Variants in NAA35 observed in about 807,000 individuals in gnomAD.
The protein encoded by NAA35 is N-alpha-acetyltransferase 35, NatC auxiliary subunit, also known as MAK10 homolog, amino-acid N-acetyltransferase subunit.
A neutral mutation model predicts 101.7 loss-of-function variants in NAA35; 18 were observed. That is an observed-to-expected ratio of 0.18 (90% CI 0.12 to 0.26). The LOEUF (loss-of-function observed/expected upper bound fraction) is 0.26. Ranked by LOEUF, NAA35 falls within the 10% of genes least tolerant of loss-of-function variation. The pLI is 1.00. For synonymous variants in NAA35, 267 were observed against 273.1 expected (o/e 0.98, Z 0.22); for missense variants, 601 against 886.8 (o/e 0.68, Z 4.09).
At chr9:85,999,004 T>G (rs1235234045) in intron 12 of NAA35, among the ~76,000 whole-genome samples, 2 of 152,248 alleles carry the variant, frequency 1.3e-5, no homozygotes, top group African/African-American at 4.8e-5. Flanking sequence ...ATGTTCTTTA[T>G]TTTTCCTTCT....
At chr9:86,017,467 T>G in intron 18 of NAA35, 31 bp from the exon 19 acceptor site, 1 of 1,604,064 alleles carries the variant, frequency 6.2e-7, no homozygotes, top group Non-Finnish European at 8.5e-7. Context: ...GAAAAGATTA[T>G]GGAAGATTAC....
chr9:86,013,684 A>G, intron 16 of NAA35, 35 bp from the exon 17 acceptor site: 2 of 1,565,034 alleles, frequency 1.3e-6, no homozygotes, highest in African/African-American at 1.4e-5. Context: ...TAAGAAAACA[A>G]AACGAACACA....
At chr9:85,984,010 T>C (rs1714780033) in intron 11 of NAA35, among the ~76,000 whole-genome samples, 1 of 135,514 alleles carries the variant, frequency 7.4e-6, no homozygotes, top group South Asian at 2.3e-4. Context: ...GAAGTATAGA[T>C]CAGAAAATAG....
At chr9:85,950,244 T>A (rs73491318) in intron 2 of NAA35, among the ~76,000 whole-genome samples, 13,995 of 152,222 alleles carry the variant, frequency 0.092, 2,078 homozygotes, top group African/African-American at 0.31. Context: ...AGATATGATT[T>A]CTGAAGTTCT....
chr9:85,978,153 CA>C (rs974788041), intron 10 of NAA35, 113 bp from the exon 11 acceptor site: 2 of 679,018 alleles, frequency 2.9e-6, no homozygotes, highest in African/African-American at 3.6e-5. Flanking sequence ...TTATGAAAAC[CA>C]ATGTCATTAC....
intron 2 of NAA35, among the ~76,000 whole-genome samples, chr9:85,954,040 C>G (rs577341189): frequency 2.0e-5 from 3 of 152,218 alleles, no homozygotes; most frequent in Admixed American, 6.5e-5. Flanking sequence ...GGTATATGCT[C>G]AGAATTTGAA....
intron 11 of NAA35, among the ~76,000 whole-genome samples, chr9:85,979,840 A>T (rs184755050): frequency 0.011 from 1,699 of 152,252 alleles, 22 homozygotes; most frequent in Non-Finnish European, 0.016. Flanking sequence ...CCATTGAAGG[A>T]GTGTTTGTGG....
rs112348918 is a variant in NAA35, at chr9:85,959,143, G to A, written c.273+557G>A. Reference sequence around the variant, plus strand: ...TGTAATCCCAGCACTTTGGGAGGCCGAGGTGGGTGGATCACGAGGTCAGGA... The same window carrying A: ...TGTAATCCCAGCACTTTGGGAGGCCAAGGTGGGTGGATCACGAGGTCAGGA... On this transcript the variant is annotated intron_variant, in intron 4 of 22. Coordinates refer to ENST00000361671, the MANE Select transcript of NAA35 (RefSeq NM_024635.4). Among the ~76,000 whole-genome samples the A allele has an allele frequency of 5.2e-3, 784 of 152,124 alleles. 5 individuals are homozygous for A. Among genetic ancestry groups the A allele is most frequent in the African/African-American group, 0.018 (753 of 41,512 alleles).
chr9:86,002,007 CT>C (rs948944530), intron 12 of NAA35, among the ~76,000 whole-genome samples: 1 of 152,064 alleles, frequency 6.6e-6, no homozygotes, highest in African/African-American at 2.4e-5. Flanking sequence ...TGGTAGTAGT[CT>C]TTCCTTTCTA....
rs527968784 is a variant in NAA35, at chr9:85,996,490, A to G, written c.969A>G (p.Glu323=). 6.2e-5 allele frequency: 100 copies of G among 1,608,032 alleles called. No homozygotes were observed. The South Asian group carries it at 1.1e-3, about 17-fold the overall frequency. Residue 323 remains glutamate (E), a synonymous_variant, in exon 12 of 23, where the codon GAA becomes GAG. Transcript: ENST00000361671. ...GATATGCAAAAATAATTAAAAGGGA[A>G]GAAATGGTGAACTATTTTGCAAGAT... is the stretch of plus-strand genomic sequence containing the variant. ...FPRYAKIIKR[E]EMVNYFARLI... is the part of the protein sequence containing the mutation.
intron 11 of NAA35, among the ~76,000 whole-genome samples, chr9:85,979,846 T>C (rs1830363160): frequency 6.6e-6 from 1 of 152,186 alleles, no homozygotes; most frequent in African/African-American, 2.4e-5. Context: ...AAGGAGTGTT[T>C]GTGGTAGTGT....
At chr9:86,002,740 T>G (rs562802446) in intron 12 of NAA35, among the ~76,000 whole-genome samples, 1 of 152,292 alleles carries the variant, frequency 6.6e-6, no homozygotes, top group East Asian at 1.9e-4. Flanking sequence ...TATTTTATCC[T>G]TCAGCTCCTG....
At chr9:85,944,071 G>C (rs563823918) in intron 2 of NAA35, among the ~76,000 whole-genome samples, 2 of 152,290 alleles carry the variant, frequency 1.3e-5, no homozygotes, top group South Asian at 2.1e-4. Context: ...TTGAAAGTTT[G>C]TTCCCCTTGA....
intron 17 of NAA35, 67 bp from the exon 18 acceptor site, chr9:86,016,472 A>G: frequency 7.7e-7 from 1 of 1,293,824 alleles, no homozygotes; most frequent in Non-Finnish European, 1.1e-6. Flanking sequence ...TCTATCGTTA[A>G]TATATGTGTT....
chr9:86,006,694 T>TA (rs1831658674), intron 13 of NAA35, among the ~76,000 whole-genome samples: 1 of 152,162 alleles, frequency 6.6e-6, no homozygotes, highest in African/African-American at 2.4e-5. Flanking sequence ...TTTAGGGTGA[T>TA]ACAGGTGATA....
At chr9:85,942,349 AAACTT>A (rs146714022) in intron 2 of NAA35, 66 bp downstream of exon 2, 25,128 of 1,572,410 alleles carry the variant, frequency 0.016, 492 homozygotes, top group African/African-American at 0.086. Context: ...TGTGCTTTCT[AAACTT>A]ACCTCATTAG....
chr9:86,010,628 G>A (rs1831873047), intron 15 of NAA35, among the ~76,000 whole-genome samples: 3 of 144,290 alleles, frequency 2.1e-5, no homozygotes, highest in African/African-American at 7.9e-5. Context: ...AGGCGGGAGT[G>A]CAGTGGCGCA....
In NAA35 at chr9:86,007,832, G is replaced by C. The variant is rs1831715977; in HGVS notation, c.1223+368G>C. On this transcript the variant is annotated intron_variant, in intron 14 of 22. Coordinates refer to ENST00000361671, the MANE Select transcript of NAA35 (RefSeq NM_024635.4). ...AATGTCAGGCTTTTCCAACAGGGAA[G>C]GGAAGAAAGGAGTCATCATTTCTTA... is the stretch of plus-strand genomic sequence containing the variant. 3.3e-5 allele frequency among the ~76,000 whole-genome samples: 5 copies of C among 151,964 alleles called. No homozygotes were observed. In the South Asian group the frequency reaches 1.0e-3, roughly 32 times the overall value.
chr9:85,946,616 G>A (rs1291483118), intron 2 of NAA35, among the ~76,000 whole-genome samples: 1 of 151,670 alleles, frequency 6.6e-6, no homozygotes, highest in African/African-American at 2.4e-5. Context: ...GGCCCAGGAT[G>A]GCTTTGAATG....
Sources: allele counts gnomAD v4.1 joint callset (sites outside exome capture counted in the v4.1 genomes callset), GRCh38; gene constraint gnomAD v4.1.1; transcripts MANE v1.5; gene names NCBI Gene and HGNC (gene_info 2026-07-23, HGNC 2026-07-21).